The following GRM3 variants were observed in gnomAD, a reference collection of about 807,000 sequenced individuals.
The protein encoded by GRM3 is glutamate metabotropic receptor 3, also known as metabotropic glutamate receptor 3.
In GRM3, 26 loss-of-function variants were observed where a neutral mutation model predicts 70.5. The ratio of observed to expected loss-of-function variants is 0.37; its 90% CI spans 0.27 to 0.51. The LOEUF (loss-of-function observed/expected upper bound fraction) is 0.51. Among genes scored for constraint, GRM3 ranks in the 20% least tolerant of loss-of-function variants. The pLI is 0.93. For missense variants in GRM3, 859 were observed against 1,123.8 expected (o/e 0.76, Z 3.37); for synonymous variants, 443 against 434.9 (o/e 1.02, Z -0.23).
At position 86,801,434 on chromosome 7, in the gene GRM3, G is replaced by T. The variant is rs189625039; in HGVS notation, c.1324+14318G>T. Among the ~76,000 whole-genome samples the T allele has an allele frequency of 1.8e-3, 273 of 152,298 alleles. 2 individuals carry two copies. Among genetic ancestry groups the T allele is most frequent in the African/African-American group, 6.2e-3 (258 of 41,562 alleles). On this transcript the variant is annotated intron_variant, in intron 3 of 5. Transcript: ENST00000361669. ...GCAAAGACAGAATTTGGAATTGAGT[G>T]TTTTAGAGCTAGTGCTGCTAGAGAA... is the stretch of plus-strand genomic sequence containing the variant.
chr7:86,778,984 TAC>T (rs916135645), intron 2 of GRM3, among the ~76,000 whole-genome samples: 3 of 151,930 alleles, frequency 2.0e-5, no homozygotes, highest in Non-Finnish European at 2.9e-5. Context: ...AAAATTTGGA[TAC>T]ACACACACAC....
chr7:86,790,996 T>C (rs1797400401), intron 3 of GRM3, among the ~76,000 whole-genome samples: 1 of 152,186 alleles, frequency 6.6e-6, no homozygotes, highest in Non-Finnish European at 1.5e-5. Flanking sequence ...TATTGTTTGA[T>C]CCTCACACTA....
intron 1 of GRM3, among the ~76,000 whole-genome samples, chr7:86,747,542 C>T (rs560846578): frequency 9.2e-5 from 14 of 152,172 alleles, no homozygotes; most frequent in African/African-American, 2.9e-4. Context: ...GCCTAAAATA[C>T]ATTCAACAGG....
At chr7:86,695,179 C>G (rs1794787150) in intron 1 of GRM3, among the ~76,000 whole-genome samples, 1 of 152,064 alleles carries the variant, frequency 6.6e-6, no homozygotes, top group South Asian at 2.1e-4. Flanking sequence ...CAAAAAAAGA[C>G]AATGAACTGT....
chr7:86,793,917 A>G lies in GRM3; in HGVS notation c.1324+6801A>G, dbSNP rs534956674. 5.9e-5 allele frequency among the ~76,000 whole-genome samples: 9 copies of G among 152,296 alleles called. No homozygotes were observed. The South Asian group carries it at 1.7e-3, about 28-fold the overall frequency. On this transcript the variant is annotated intron_variant, in intron 3 of 5. Coordinates refer to ENST00000361669, the MANE Select transcript of GRM3 (RefSeq NM_000840.3). The stretch of plus-strand genomic sequence containing the variant: ...AAAAAGTAATGATCCCCAATGAAGT[A>G]TGAAAGAAATGGATCATACCACCTT...
chr7:86,822,188 G>A (rs1318626733), intron 3 of GRM3, among the ~76,000 whole-genome samples: 2 of 151,498 alleles, frequency 1.3e-5, no homozygotes, highest in Non-Finnish European at 2.9e-5. Flanking sequence ...TTGAATATAC[G>A]GTGCAGGATA....
At chr7:86,710,574 G>A (rs1438311313) in intron 1 of GRM3, among the ~76,000 whole-genome samples, 19 of 125,262 alleles carry the variant, frequency 1.5e-4, no homozygotes, top group Middle Eastern at 7.8e-3. Flanking sequence ...GGTGGGGGGT[G>A]GGGGGAGGGG....
chr7:86,656,050 T>G (rs1793734779), intron 1 of GRM3, among the ~76,000 whole-genome samples: 2 of 152,102 alleles, frequency 1.3e-5, no homozygotes, highest in African/African-American at 4.8e-5. Flanking sequence ...TTGATTCCTT[T>G]CAGTAGTGAC....
At chr7:86,859,539 C>T (rs1798914878) in intron 5 of GRM3, among the ~76,000 whole-genome samples, 1 of 152,022 alleles carries the variant, frequency 6.6e-6, no homozygotes, top group African/African-American at 2.4e-5. Flanking sequence ...AGTAAAATAT[C>T]TAAACAAACA....
intron 1 of GRM3, among the ~76,000 whole-genome samples, chr7:86,706,972 A>G (rs1044404703): frequency 1.3e-5 from 2 of 152,104 alleles, no homozygotes; most frequent in Non-Finnish European, 2.9e-5. Flanking sequence ...ACGTTATAAC[A>G]TCGAACATAT....
At chr7:86,863,869 C>T (rs1045034072) in intron 5 of GRM3, among the ~76,000 whole-genome samples, 1 of 152,104 alleles carries the variant, frequency 6.6e-6, no homozygotes, top group East Asian at 1.9e-4. Flanking sequence ...ACAAATTCCC[C>T]GCCAAGAGGT....
intron 1 of GRM3, among the ~76,000 whole-genome samples, chr7:86,683,564 AAG>A (rs1584162612): frequency 6.6e-6 from 1 of 152,144 alleles, no homozygotes; most frequent in African/African-American, 2.4e-5. Flanking sequence ...TTTCTTGCCT[AAG>A]AGAGCCTAAA....
chr7:86,720,577 A>G (rs1397309787), intron 1 of GRM3, among the ~76,000 whole-genome samples: 3 of 152,210 alleles, frequency 2.0e-5, no homozygotes, highest in Non-Finnish European at 2.9e-5. Flanking sequence ...TGGCCGTGCC[A>G]TGAGATATGA....
At chr7:86,649,366 T>C (rs1009237743) in intron 1 of GRM3, among the ~76,000 whole-genome samples, 1 of 152,150 alleles carries the variant, frequency 6.6e-6, no homozygotes, top group Non-Finnish European at 1.5e-5. Flanking sequence ...CTTCATCATA[T>C]TGAACAATCT....
intron 3 of GRM3, among the ~76,000 whole-genome samples, chr7:86,804,840 T>C (rs1027098421): frequency 1.3e-5 from 2 of 152,180 alleles, no homozygotes; most frequent in Non-Finnish European, 2.9e-5. Context: ...GGTATGAGTG[T>C]GGTGGCTCAT....
At chr7:86,697,425 G>A (rs1307723024) in intron 1 of GRM3, among the ~76,000 whole-genome samples, 2 of 152,060 alleles carry the variant, frequency 1.3e-5, no homozygotes, top group Non-Finnish European at 2.9e-5. Flanking sequence ...GTCAGTTTTT[G>A]GAGACACTTA....
intron 1 of GRM3, among the ~76,000 whole-genome samples, chr7:86,698,314 T>G (rs1398439635): frequency 6.6e-6 from 1 of 151,828 alleles, no homozygotes; most frequent in African/African-American, 2.4e-5. Flanking sequence ...AAAGAACCCT[T>G]TCAGAGAAAT....
At chr7:86,770,664 G>T (rs1242306614) in intron 2 of GRM3, among the ~76,000 whole-genome samples, 5 of 152,078 alleles carry the variant, frequency 3.3e-5, no homozygotes, top group Admixed American at 6.6e-5. Context: ...TTCTTTCAAT[G>T]ATTCATTCCT....
chr7:86,832,610 G>C (rs1407972872), intron 3 of GRM3, among the ~76,000 whole-genome samples: 2 of 152,078 alleles, frequency 1.3e-5, no homozygotes, highest in Non-Finnish European at 2.9e-5. Flanking sequence ...AAGCAGTGGA[G>C]GTAATATTCC....
Sources: gnomAD v4.1 joint callset for allele counts (sites outside exome capture counted in the v4.1 genomes callset) on GRCh38, gnomAD v4.1.1 for gene constraint, MANE v1.5 for transcripts, NCBI Gene and HGNC (gene_info 2026-07-23, HGNC 2026-07-21) for gene names.